TRPM4: variants seen among roughly 807,000 people sequenced by gnomAD.
TRPM4 encodes the protein transient receptor potential cation channel subfamily M member 4.
In TRPM4, 124 loss-of-function variants were observed where a neutral mutation model predicts 135.6. The observed-to-expected ratio is 0.91, with a 90% CI of 0.79 to 1.06. TRPM4 has a LOEUF of 1.06. Among genes scored for constraint, TRPM4 ranks in the 50% least tolerant of loss-of-function variants. The pLI is 0.00. For missense variants in TRPM4, 1,658 were observed against 1,671.4 expected (o/e 0.99, Z 0.14); for synonymous variants, 745 against 705.6 (o/e 1.06, Z -0.88).
In TRPM4 at chr19:49,166,196, C is replaced by G. The variant is rs749596165; in HGVS notation, c.248C>G (p.Ala83Gly). 6.2e-7 allele frequency: 1 copy of G among 1,606,646 alleles called. No homozygotes were observed. The highest frequency in any genetic ancestry group is 8.5e-7 in the Non-Finnish European group (1 of 1,177,510). The change falls in exon 3 of 25, where the codon GCC becomes GGC. Residue 83 changes from alanine (A) to glycine (G), a missense_variant. Ala to Gly is a moderately conservative substitution (Grantham distance 60). Transcript: ENST00000252826. The stretch of plus-strand genomic sequence containing the variant: ...TACGGAGAGCTGGACTTCACGGGGG[C>G]CGGCCGCAAGCACAGCAATGTGAGG... ...DAYGELDFTGAGRKHSNFLRL... is the reference protein window; with the variant it reads ...DAYGELDFTGGGRKHSNFLRL...
chr19:49,158,383 T>C, intron 2 of TRPM4, 124 bp downstream of exon 2: 2 of 891,462 alleles, frequency 2.2e-6, no homozygotes, highest in Non-Finnish European at 3.8e-6. Context: ...CCAAGGGCGT[T>C]CCTTGCCGAC....
intron 20 of TRPM4, among the ~76,000 whole-genome samples, chr19:49,203,653 T>C (rs750316465): frequency 2.6e-5 from 4 of 152,122 alleles, no homozygotes; most frequent in Non-Finnish European, 4.4e-5. Context: ...TAACCTCCAG[T>C]GTATTTTCTG....
intron 19 of TRPM4, among the ~76,000 whole-genome samples, chr19:49,201,317 G>A (rs549038406): frequency 6.6e-6 from 1 of 152,238 alleles, no homozygotes; most frequent in South Asian, 2.1e-4. Flanking sequence ...GGAGAACAAA[G>A]GAAGGAGGAA....
intron 20 of TRPM4, among the ~76,000 whole-genome samples, chr19:49,208,518 G>T (rs1233761925): frequency 6.6e-6 from 1 of 151,988 alleles, no homozygotes; most frequent in Non-Finnish European, 1.5e-5. Flanking sequence ...TCTGTCTTCT[G>T]GTCACTTCTC....
intron 19 of TRPM4, among the ~76,000 whole-genome samples, chr19:49,201,169 G>A (rs533233407): frequency 6.6e-6 from 1 of 152,140 alleles, no homozygotes; most frequent in East Asian, 1.9e-4. Flanking sequence ...ACGGAACAAA[G>A]GAGATAGGGT....
rs1230832287 is a variant in TRPM4, at chr19:49,171,945, G to A, written c.1051-64G>A. 3.2e-5 allele frequency: 47 copies of A among 1,465,866 alleles called. No homozygotes were observed. The highest frequency in any genetic ancestry group is 3.7e-4 in the Middle Eastern group (2 of 5,336). 90.8% of individuals were successfully genotyped at this position (1,465,866 alleles called of 1,614,324 possible). On this transcript the variant is annotated intron_variant, in intron 8 of 24. Coordinates refer to ENST00000252826, the MANE Select transcript of TRPM4 (RefSeq NM_017636.4). The surrounding 1 kb of genome is among the most constrained non-coding windows in gnomAD (Gnocchi z 4.7). Reference sequence around the variant, plus strand: ...GGGAATGGCCTCCTCCATCCCTTTGGACAGGGCCCAACAGGAGTTGGGGAT... The same window carrying A: ...GGGAATGGCCTCCTCCATCCCTTTGAACAGGGCCCAACAGGAGTTGGGGAT...
At chr19:49,167,466 G>T (rs111169065) in intron 3 of TRPM4, among the ~76,000 whole-genome samples, 3 of 26,326 alleles carry the variant, frequency 1.1e-4, no homozygotes, top group Admixed American at 3.5e-4. Flanking sequence ...GGTCTCTGTC[G>T]CCATCTCTCT....
chr19:49,197,109 G>A (rs1968685888), intron 17 of TRPM4, among the ~76,000 whole-genome samples: 1 of 152,096 alleles, frequency 6.6e-6, no homozygotes, highest in African/African-American at 2.4e-5. Context: ...CCCACTGTCC[G>A]CCACTCAGCC....
chr19:49,168,938 G>A (rs892045637), intron 6 of TRPM4, among the ~76,000 whole-genome samples: 8 of 151,898 alleles, frequency 5.3e-5, no homozygotes, highest in African/African-American at 9.7e-5. Context: ...TTGGGAGGCC[G>A]AGGTAGGAGG....
chr19:49,189,388 T>C (rs1222576717), intron 14 of TRPM4, among the ~76,000 whole-genome samples: 4 of 152,204 alleles, frequency 2.6e-5, no homozygotes, highest in African/African-American at 9.6e-5. Context: ...TTGGAAGTCC[T>C]TCCCGCTTTC....
At chr19:49,166,275 A>G (rs1255441139) in intron 3 of TRPM4, 60 bp downstream of exon 3, 100 of 1,515,652 alleles carry the variant, frequency 6.6e-5, no homozygotes, top group Non-Finnish European at 8.9e-5. Flanking sequence ...TCGGGGCTCC[A>G]GAGTGGAGCC....
chr19:49,169,769 G>A (rs115443892), intron 6 of TRPM4, among the ~76,000 whole-genome samples: 1,924 of 151,330 alleles, frequency 0.013, 39 homozygotes, highest in African/African-American at 0.043. Context: ...ATGCAGCCCA[G>A]GTGGCCTCAA....
In TRPM4 at chr19:49,203,380, C is replaced by T. The variant is rs186248094; in HGVS notation, c.3131+1239C>T. ...ATTTTTAGTAGAGATGGGGTTTCAC[C>T]GTGTTAGCCAGGATGGTTTCGATCT... On this transcript the variant is annotated intron_variant, in intron 20 of 24. Transcript: ENST00000252826. 1.1e-3 allele frequency among the ~76,000 whole-genome samples: 171 copies of T among 152,034 alleles called. 1 individual carries two copies. Among genetic ancestry groups the T allele is most frequent in the African/African-American group, 3.9e-3 (161 of 41,456 alleles).
chr19:49,182,488 CCA>C, intron 10 of TRPM4, 88 bp from the exon 11 acceptor site: 1 of 955,376 alleles, frequency 1.0e-6, no homozygotes, highest in Non-Finnish European at 1.6e-6. Flanking sequence ...ATCCATCCAT[CCA>C]TCCATCCATC....
At position 49,210,150 on chromosome 19, in the gene TRPM4, C is replaced by T. The variant is rs916550295; in HGVS notation, c.3132-59C>T. 1.3e-5 allele frequency: 20 copies of T among 1,554,662 alleles called. No individual in the cohort carries two copies. Among genetic ancestry groups the T allele is most frequent in the Non-Finnish European group, 1.8e-5 (20 of 1,125,764 alleles). On this transcript the variant is annotated intron_variant, in intron 20 of 24. Coordinates refer to ENST00000252826, the MANE Select transcript of TRPM4 (RefSeq NM_017636.4). The surrounding 1 kb of genome is among the most constrained non-coding windows in gnomAD (Gnocchi z 4.1). The stretch of plus-strand genomic sequence containing the variant: ...CAATTATTGCCTGGCATCTAACCTT[C>T]GTCCTTGCCCCTGGCTGGGCCCTGA...
rs753805994 is a variant in TRPM4, at chr19:49,183,107, G to C, written c.1638G>C (p.Ser546=). The C allele has an allele frequency of 3.7e-6, 6 of 1,613,320 alleles. No homozygotes were observed. The highest frequency in any genetic ancestry group is 4.5e-5 in the East Asian group (2 of 44,880). ...ATCTGCTCTCGGACAAGGCCACCTC[G>C]CCGCTCTCGCTGGATGCTGGCCTCG... ...SMYLLSDKAT[S]PLSLDAGLGQ... is the part of the protein sequence containing the mutation. Residue 546 remains serine (S), a synonymous_variant, in exon 12 of 25, where the codon TCG becomes TCC. Transcript: ENST00000252826.
rs927451154 is a variant in TRPM4, at chr19:49,181,478, T to C, written c.1263+17T>C. On this transcript the variant is annotated intron_variant, in intron 10 of 24. Coordinates refer to ENST00000252826, the MANE Select transcript of TRPM4 (RefSeq NM_017636.4). The stretch of plus-strand genomic sequence containing the variant: ...CAATGGCGGGTGAGGGGTCAGGGCC[T>C]GGGGGTTGGGCATACTGACAAAGGG... 5.8e-6 allele frequency: 9 copies of C among 1,544,992 alleles called. No individual in the cohort carries two copies. Among genetic ancestry groups the C allele is most frequent in the Middle Eastern group, 1.7e-4 (1 of 5,780 alleles).
intron 16 of TRPM4, among the ~76,000 whole-genome samples, chr19:49,193,393 G>A (rs764220480): frequency 1.3e-5 from 2 of 152,068 alleles, no homozygotes; most frequent in Admixed American, 6.6e-5. Context: ...AAATCAGTTC[G>A]TTTAATTCCA....
intron 12 of TRPM4, among the ~76,000 whole-genome samples, chr19:49,185,469 GGGCTC>G (rs1392064897): frequency 6.6e-6 from 1 of 152,074 alleles, no homozygotes; most frequent in African/African-American, 2.4e-5. Flanking sequence ...TTGAATTCTT[GGGCTC>G]AAGCAATCCT....
Sources: allele counts gnomAD v4.1 joint callset (sites outside exome capture counted in the v4.1 genomes callset), GRCh38; gene constraint gnomAD v4.1.1; non-coding constraint Gnocchi (gnomAD v3.1); transcripts MANE v1.5; gene names NCBI Gene and HGNC (gene_info 2026-07-23, HGNC 2026-07-21).